CSMD1: variants seen among roughly 807,000 people sequenced by gnomAD.
The protein encoded by CSMD1 is CUB and sushi domain-containing protein 1.
A neutral mutation model predicts 417.5 loss-of-function variants in CSMD1; 213 were observed. The observed-to-expected ratio is 0.51, with a 90% CI of 0.46 to 0.57. The LOEUF (loss-of-function observed/expected upper bound fraction) is 0.57. CSMD1 is among the 20% of genes least tolerant of loss of function. CSMD1 has a pLI of 0.00. For synonymous variants in CSMD1, 2,862 were observed against 1,736.8 expected, an observed-to-expected ratio of 1.65 and a Z score of -16.11; for missense variants, 6,923 against 4,529.7, an observed-to-expected ratio of 1.53 and a Z score of -15.17.
rs768822585 is a variant in CSMD1 at position 4,308,645 on chromosome 8, C to T, written c.415+111308G>A. ...CTTTGGAAAACTAAGGATTCTTATT[C>T]CAAGAACAGTTTATAAGAGGCTTTA... On this transcript the variant is annotated intron_variant, in intron 3 of 69. Coordinates refer to ENST00000635120, the MANE Select transcript of CSMD1 (RefSeq NM_033225.6). Among the ~76,000 whole-genome samples, 116 of 152,238 alleles carry T rather than the reference C, an allele frequency of 7.6e-4. 1 individual carries two copies. The highest frequency in any genetic ancestry group is 1.6e-3 in the Admixed American group (25 of 15,284).
At chr8:4,117,544 T>A (rs371537597) in intron 3 of CSMD1, among the ~76,000 whole-genome samples, 1 of 152,226 alleles carries the variant, frequency 6.6e-6, no homozygotes, top group Non-Finnish European at 1.5e-5. Context: ...TAATACTCAC[T>A]GATTGTGACA....
At chr8:4,059,595 A>T (rs973279364) in intron 3 of CSMD1, among the ~76,000 whole-genome samples, 1 of 152,126 alleles carries the variant, frequency 6.6e-6, no homozygotes, top group African/African-American at 2.4e-5. Context: ...ATGCAATAAA[A>T]AATGATAAAG....
chr8:3,733,646 G>C (rs567174789), intron 6 of CSMD1, among the ~76,000 whole-genome samples: 20 of 152,212 alleles, frequency 1.3e-4, no homozygotes, highest in African/African-American at 4.6e-4. Flanking sequence ...CTGTCCAGAA[G>C]GTCCCTGCTG....
rs562377550 is a variant in CSMD1, at chr8:4,723,655, A to G, written c.86-86097T>C. Among the ~76,000 whole-genome samples the G allele has an allele frequency of 4.6e-5, 7 of 152,236 alleles. No homozygotes were observed. In the South Asian group the frequency reaches 1.4e-3, roughly 32 times the overall value. On this transcript the variant is annotated intron_variant, in intron 1 of 69. Coordinates refer to ENST00000635120, the MANE Select transcript of CSMD1 (RefSeq NM_033225.6). The stretch of plus-strand genomic sequence containing the variant: ...GTTTAGCTAATGACCTTACATATGT[A>G]TCTTTCTCAGTTTTTACCACATTTT...
In CSMD1 at chr8:4,907,540, G is replaced by A. The variant is rs556287853; in HGVS notation, c.85+86792C>T. 8.1e-5 allele frequency among the ~76,000 whole-genome samples: 8 copies of A among 99,330 alleles called. No individual in the cohort carries two copies. The East Asian group carries it at 1.4e-3, about 18-fold the overall frequency. The allele number at this position is 99,330 out of a possible 152,430, so 65.2% of individuals were successfully genotyped here. ...GGAAAAAAAATTTAAATTATTTTTG[G>A]TTTGTGTTTCTTTTTGTTGTTGTTT... On this transcript the variant is annotated intron_variant, in intron 1 of 69. Transcript: ENST00000635120.
At chr8:3,923,083 C>T (rs915204676) in intron 5 of CSMD1, among the ~76,000 whole-genome samples, 8 of 152,070 alleles carry the variant, frequency 5.3e-5, no homozygotes, top group African/African-American at 1.9e-4. Context: ...AGCCCAGTTG[C>T]GAAGGGCCCT....
At chr8:4,429,128 T>C (rs116686253) in intron 2 of CSMD1, among the ~76,000 whole-genome samples, 1 of 151,482 alleles carries the variant, frequency 6.6e-6, no homozygotes, top group South Asian at 2.1e-4. Context: ...TTTTTTTCTA[T>C]GAAAACTGAT....
At chr8:4,114,293 C>T (rs1253604057) in intron 3 of CSMD1, among the ~76,000 whole-genome samples, 2 of 152,126 alleles carry the variant, frequency 1.3e-5, no homozygotes, top group Non-Finnish European at 2.9e-5. Flanking sequence ...CCTGTGCTGT[C>T]TAAGTGGAAA....
chr8:3,223,569 C>T (rs1054787923), intron 28 of CSMD1, among the ~76,000 whole-genome samples, 160 bp downstream of exon 28: 1 of 152,166 alleles, frequency 6.6e-6, no homozygotes, highest in South Asian at 2.1e-4. Context: ...TACTGTATTT[C>T]CATTTATGTC....
At chr8:3,950,366 C>G (rs1263434893) in intron 5 of CSMD1, among the ~76,000 whole-genome samples, 2 of 152,182 alleles carry the variant, frequency 1.3e-5, no homozygotes, top group African/African-American at 4.8e-5. Flanking sequence ...AGTTTAAGAA[C>G]AGGGAAAACT....
chr8:4,250,982 A>T (rs1263335650), intron 3 of CSMD1, among the ~76,000 whole-genome samples: 1 of 152,186 alleles, frequency 6.6e-6, no homozygotes, highest in Non-Finnish European at 1.5e-5. Flanking sequence ...AATTGATTAG[A>T]CACTGATATT....
intron 2 of CSMD1, among the ~76,000 whole-genome samples, chr8:4,453,420 T>A (rs930914642): frequency 6.6e-5 from 10 of 152,172 alleles, no homozygotes; most frequent in South Asian, 2.1e-4. Flanking sequence ...CAGAAGACAC[T>A]GGACAGTTAG....
intron 1 of CSMD1, among the ~76,000 whole-genome samples, chr8:4,770,932 T>A (rs1232015529): frequency 6.6e-6 from 1 of 152,120 alleles, no homozygotes; most frequent in Non-Finnish European, 1.5e-5. Context: ...AAATTCAGGC[T>A]ACAGAACAAA....
At chr8:3,873,647 C>A (rs1805629104) in intron 5 of CSMD1, among the ~76,000 whole-genome samples, 1 of 152,012 alleles carries the variant, frequency 6.6e-6, no homozygotes, top group Admixed American at 6.6e-5. Flanking sequence ...CATATCAAAC[C>A]CCCATGACAC....
At chr8:3,089,608 C>T (rs1228732547) in intron 48 of CSMD1, among the ~76,000 whole-genome samples, 2 of 152,168 alleles carry the variant, frequency 1.3e-5, no homozygotes, top group East Asian at 1.9e-4. Flanking sequence ...ATTTTAGGGA[C>T]ACTTTCATTT....
At chr8:3,182,611 TGTGTGTGTGTGTGTG>T (rs1821417671) in intron 36 of CSMD1, among the ~76,000 whole-genome samples, 1 of 63,892 alleles carries the variant, frequency 1.6e-5, no homozygotes, top group Non-Finnish European at 5.1e-5. Context: ...TGTGTGTGTG[TGTGTGTGTGTGTGTG>T]TGTGTGTATT....
chr8:3,669,233 A>G (rs1344664832), intron 7 of CSMD1, among the ~76,000 whole-genome samples: 1 of 152,248 alleles, frequency 6.6e-6, no homozygotes, highest in Non-Finnish European at 1.5e-5. Flanking sequence ...TAAATAAGGT[A>G]GCACACTGCA....
chr8:2,965,657 T>A, intron 59 of CSMD1, 118 bp downstream of exon 59: 1 of 750,388 alleles, frequency 1.3e-6, no homozygotes, highest in Non-Finnish European at 2.1e-6. Flanking sequence ...TGCAAATTGC[T>A]GTTCAAGAAT....
At chr8:3,644,829 C>T (rs1563228662) in intron 7 of CSMD1, among the ~76,000 whole-genome samples, 1 of 151,980 alleles carries the variant, frequency 6.6e-6, no homozygotes, top group South Asian at 2.1e-4. Context: ...CCTCCAGGAA[C>T]CCCGATGTGG....
Sources: allele counts gnomAD v4.1 joint callset (sites outside exome capture counted in the v4.1 genomes callset), GRCh38; gene constraint gnomAD v4.1.1; transcripts MANE v1.5; gene names NCBI Gene and HGNC (gene_info 2026-07-23, HGNC 2026-07-21).